WDFY3: variants seen among roughly 807,000 people sequenced by gnomAD.
The protein encoded by WDFY3 is WD repeat and FYVE domain-containing protein 3.
In WDFY3, 66 loss-of-function variants were observed where a neutral mutation model predicts 409.6. The observed-to-expected ratio is 0.16, with a 90% confidence interval of 0.13 to 0.20. The LOEUF is 0.20. Among genes scored for constraint, WDFY3 ranks in the 10% least tolerant of loss-of-function variants. The pLI is 1.00. For synonymous variants in WDFY3, 1,521 were observed against 1,537.1 expected, an observed-to-expected ratio of 0.99 and a Z score of 0.25; for missense variants, 3,031 against 4,298.1, an observed-to-expected ratio of 0.71 and a Z score of 8.24.
chr4:84,761,454 G>C (rs537577352), intron 32 of WDFY3, among the ~76,000 whole-genome samples: 1 of 152,192 alleles, frequency 6.6e-6, no homozygotes, highest in South Asian at 2.1e-4. Context: ...TCTCTTTGTA[G>C]GTCACTCAGG....
At chr4:84,828,883 G>C in intron 9 of WDFY3, 121 bp downstream of exon 9, 1 of 1,003,998 alleles carries the variant, frequency 1.0e-6, no homozygotes, top group African/African-American at 1.7e-5. Flanking sequence ...GTAAAGCCAG[G>C]TATACATTAA....
rs1044302847 is a variant in WDFY3 at position 84,753,679 on chromosome 4, T to C, written c.5739+18A>G. 4 of 1,536,574 alleles carry C rather than the reference T, an allele frequency of 2.6e-6. No homozygotes were observed. The highest frequency in any genetic ancestry group is 3.5e-6 in the Non-Finnish European group (4 of 1,144,296). On this transcript the variant is annotated intron_variant, in intron 35 of 67. Coordinates refer to ENST00000295888, the MANE Select transcript of WDFY3 (RefSeq NM_014991.6). The stretch of plus-strand genomic sequence containing the variant: ...ACATTCTAATTCCAGTTCTGACATT[T>C]TCCTCCCCCTTTCCTACCATCTCTG...
intron 1 of WDFY3, among the ~76,000 whole-genome samples, chr4:84,965,170 C>T (rs903750475): frequency 6.6e-6 from 1 of 152,142 alleles, no homozygotes; most frequent in African/African-American, 2.4e-5. Flanking sequence ...ATAGTCGAAA[C>T]CAGTTGTTCT....
intron 44 of WDFY3, among the ~76,000 whole-genome samples, chr4:84,731,849 C>G (rs577131765): frequency 6.6e-6 from 1 of 152,122 alleles, no homozygotes; most frequent in South Asian, 2.1e-4. Flanking sequence ...TCAGTTAAAT[C>G]TAAACAGTGA....
At chr4:84,777,149 A>G (rs1239027130) in intron 27 of WDFY3, among the ~76,000 whole-genome samples, 1 of 152,044 alleles carries the variant, frequency 6.6e-6, no homozygotes, top group African/African-American at 2.4e-5. Context: ...AGTTAGAAGG[A>G]AGAACTAATT....
rs190922195 is a variant in WDFY3 at position 84,824,212 on chromosome 4, T to G, written c.1123+2603A>C. Among the ~76,000 whole-genome samples the G allele has an allele frequency of 6.6e-5, 10 of 152,318 alleles. No homozygotes were observed. The East Asian group carries it at 1.9e-3, about 29-fold the overall frequency. On this transcript the variant is annotated intron_variant, in intron 10 of 67. Coordinates refer to ENST00000295888, the MANE Select transcript of WDFY3 (RefSeq NM_014991.6). Reference sequence around the variant, plus strand: ...ATGGTTAATTACAGTCTGAAAACATTACATACAATAAGATATTCTGAGACA... The same window carrying G: ...ATGGTTAATTACAGTCTGAAAACATGACATACAATAAGATATTCTGAGACA...
chr4:84,952,572 C>T (rs1020705844), intron 1 of WDFY3, among the ~76,000 whole-genome samples: 3 of 152,158 alleles, frequency 2.0e-5, no homozygotes, highest in Non-Finnish European at 4.4e-5. Context: ...CAACATCTTA[C>T]TTTCCCTTCT....
At chr4:84,698,299 T>C (rs965877284) in intron 56 of WDFY3, among the ~76,000 whole-genome samples, 52 of 150,948 alleles carry the variant, frequency 3.4e-4, no homozygotes, top group African/African-American at 1.2e-3. Context: ...TATTTTTTTT[T>C]TTTGAGACAG....
rs1220993602 is a variant in WDFY3, at chr4:84,680,967, T to C, written c.9823+1407A>G. Among the ~76,000 whole-genome samples, 5 of 152,228 alleles carry C rather than the reference T, an allele frequency of 3.3e-5. No individual in the cohort carries two copies. In the East Asian group the frequency reaches 9.6e-4, roughly 29 times the overall value. On this transcript the variant is annotated intron_variant, in intron 64 of 67. Coordinates refer to ENST00000295888, the MANE Select transcript of WDFY3 (RefSeq NM_014991.6). ...TTTCTTAGCAAGACAAATACTTTAT[T>C]TGCCTGCTTCCTACTCAGTAGGGGG...
At chr4:84,877,597 C>A (rs1481253566) in intron 3 of WDFY3, among the ~76,000 whole-genome samples, 1 of 152,220 alleles carries the variant, frequency 6.6e-6, no homozygotes, top group African/African-American at 2.4e-5. Flanking sequence ...CTGTGCCTGG[C>A]TGAAAGCATT....
At chr4:84,746,660 C>G (rs2149265249) in intron 36 of WDFY3, among the ~76,000 whole-genome samples, 1 of 151,820 alleles carries the variant, frequency 6.6e-6, no homozygotes, top group Non-Finnish European at 1.5e-5. Context: ...GTATAGCAGT[C>G]TAACTTTTCA....
In WDFY3 at chr4:84,815,553, T is replaced by C. The variant is rs538141731; in HGVS notation, c.1887+1839A>G. On this transcript the variant is annotated intron_variant, in intron 13 of 67. Transcript: ENST00000295888. Reference sequence around the variant, plus strand: ...CTTCAACCTCTACTTTTTGGAACAGTTCCTACGTCATTTTTAATTTCATTT... The same window carrying C: ...CTTCAACCTCTACTTTTTGGAACAGCTCCTACGTCATTTTTAATTTCATTT... 7.2e-5 allele frequency among the ~76,000 whole-genome samples: 11 copies of C among 152,306 alleles called. No individual in the cohort carries two copies. The South Asian group carries it at 2.1e-3, about 29-fold the overall frequency.
intron 2 of WDFY3, among the ~76,000 whole-genome samples, chr4:84,927,988 G>C (rs1770228036): frequency 6.6e-6 from 1 of 152,212 alleles, no homozygotes; most frequent in South Asian, 2.1e-4. Context: ...TGTTTAGAAT[G>C]ATTGGGGTGT....
In WDFY3 at chr4:84,757,006, G is replaced by T; in HGVS notation, c.5344C>A (p.Gln1782Lys). 1 of 1,614,060 alleles carries T rather than the reference G, an allele frequency of 6.2e-7. No individual in the cohort carries two copies. Among genetic ancestry groups the T allele is most frequent in the Non-Finnish European group, 8.5e-7 (1 of 1,179,964 alleles). ...TCAGGCAGCTCACTAACTGGCTGCT[G>T]CAGAAACAAGGCCATGAGGAGAAAA... ...LYFLLMALFL[Q>K]QPVSELPENL... is the part of the protein sequence containing the mutation. The change falls in exon 33 of 68, where the codon CAG becomes AAG. Residue 1782 changes from glutamine (Q) to lysine (K), a missense_variant. Coordinates refer to ENST00000295888, the MANE Select transcript of WDFY3 (RefSeq NM_014991.6).
At chr4:84,930,641 T>C (rs1770645431) in intron 2 of WDFY3, among the ~76,000 whole-genome samples, 1 of 152,190 alleles carries the variant, frequency 6.6e-6, no homozygotes, top group African/African-American at 2.4e-5. Flanking sequence ...TCTCAAAAAG[T>C]CAAATGAAAA....
chr4:84,880,830 G>A (rs569460196), intron 3 of WDFY3, among the ~76,000 whole-genome samples: 2 of 148,876 alleles, frequency 1.3e-5, no homozygotes, highest in East Asian at 4.0e-4. Flanking sequence ...CAATTCTCAT[G>A]CCTCAGCCTC....
chr4:84,810,216 G>A lies in WDFY3; in HGVS notation c.2016C>T (p.Gly672=). 6.2e-7 allele frequency: 1 copy of A among 1,614,092 alleles called. No homozygotes were observed. The highest frequency in any genetic ancestry group is 1.1e-5 in the South Asian group (1 of 91,082). ...CTTGATTCTGGTTCACTTTCTCCCA[G>A]CCATTCTTGGGTGGACAGCTCAAAG... The part of the protein sequence containing the change: ...ERSLSCPPKN[G]WEKVNQNQVF... The change falls in exon 14 of 68, where the codon GGC becomes GGT. Residue 672 remains glycine (G), a synonymous_variant. Coordinates refer to ENST00000295888, the MANE Select transcript of WDFY3 (RefSeq NM_014991.6).
chr4:84,691,559 C>A, intron 60 of WDFY3, 72 bp downstream of exon 60: 1 of 1,520,034 alleles, frequency 6.6e-7, no homozygotes, highest in Non-Finnish European at 8.9e-7. Context: ...TCTCCCCAAC[C>A]CTATTAGTCA....
At chr4:84,936,094 G>A (rs1163905864) in intron 1 of WDFY3, among the ~76,000 whole-genome samples, 1 of 152,136 alleles carries the variant, frequency 6.6e-6, no homozygotes, top group Non-Finnish European at 1.5e-5. Context: ...ATTAAACTGT[G>A]TACATTGAAA....
Sources: allele counts gnomAD v4.1 joint callset (sites outside exome capture counted in the v4.1 genomes callset), GRCh38; gene constraint gnomAD v4.1.1; transcripts MANE v1.5; gene names NCBI Gene and HGNC (gene_info 2026-07-23, HGNC 2026-07-21).